SLFN5: variants seen among roughly 807,000 people sequenced by gnomAD.
The protein encoded by SLFN5 is schlafen family member 5.
A neutral mutation model predicts 48.5 loss-of-function variants in SLFN5; 34 were observed. The ratio of observed to expected loss-of-function variants is 0.70; its 90% confidence interval spans 0.53 to 0.93. The LOEUF is 0.93. SLFN5 is among the 40% of genes least tolerant of loss of function. The pLI, the probability that SLFN5 is intolerant of heterozygous loss-of-function variation, is 0.00. For synonymous variants in SLFN5, 387 were observed against 396.2 expected (o/e 0.98, Z 0.28); for missense variants, 1,006 against 1,071.3 (o/e 0.94, Z 0.85).
In SLFN5 at chr17:35,264,712, G is replaced by T; in HGVS notation, c.1668G>T (p.Leu556=). 6.2e-7 allele frequency: 1 copy of T among 1,608,030 alleles called. No homozygotes were observed. Among genetic ancestry groups the T allele is most frequent in the South Asian group, 1.1e-5 (1 of 90,208 alleles). The change falls in exon 4 of 5, where the codon CTG becomes CTT. Residue 556 remains leucine, a synonymous_variant. Transcript: ENST00000299977. ...TGGGCTCTGAGGTTTTGAACCTACTGACAAATAAACAGTATGAGTTGCTTT... is the reference window on the plus strand; with the variant it reads ...TGGGCTCTGAGGTTTTGAACCTACTTACAAATAAACAGTATGAGTTGCTTT... ...EELGSEVLNL[L]TNKQYELLSK...
Position 35,258,608 on chromosome 17 carries a change from T to C in SLFN5, c.-40-43T>C, listed in dbSNP as rs1217358705. 2.0e-6 allele frequency: 3 copies of C among 1,504,012 alleles called. No individual in the cohort carries two copies. The East Asian group carries it at 6.8e-5, about 34-fold the overall frequency. 93.2% of individuals were successfully genotyped at this position (1,504,012 alleles called of 1,614,324 possible). A position where few individuals can be genotyped will look rare whatever the true frequency, so the allele number is the denominator to read the frequency against. On this transcript the variant is annotated intron_variant, in intron 1 of 4. Coordinates refer to ENST00000299977, the MANE Select transcript of SLFN5 (RefSeq NM_144975.4). Reference sequence around the variant, plus strand: ...AATCTGTTGGTTTTCCTGCCTCTCCTATTCTTGTCCTGTTCTAATGGTTCT... The same window carrying C: ...AATCTGTTGGTTTTCCTGCCTCTCCCATTCTTGTCCTGTTCTAATGGTTCT...
intron 1 of SLFN5, among the ~76,000 whole-genome samples, chr17:35,255,302 C>T (rs1159902529): frequency 6.6e-6 from 1 of 152,190 alleles, no homozygotes; most frequent in African/African-American, 2.4e-5. Context: ...TATAAGTGTT[C>T]TTTTTCTTTA....
At chr17:35,256,999 C>T (rs1471241299) in intron 1 of SLFN5, among the ~76,000 whole-genome samples, 2 of 152,088 alleles carry the variant, frequency 1.3e-5, no homozygotes, top group East Asian at 3.8e-4. Flanking sequence ...GTGAACTGTG[C>T]ATGTGAGGGA....
chr17:35,250,674 G>T (rs955774644), intron 1 of SLFN5, among the ~76,000 whole-genome samples: 1 of 127,096 alleles, frequency 7.9e-6, no homozygotes, highest in East Asian at 2.3e-4. Context: ...AAAAAAAAAA[G>T]AGTTAAAAGA....
chr17:35,264,098 G>A (rs1904601258), intron 3 of SLFN5, 85 bp from the exon 4 acceptor site: 18 of 1,456,170 alleles, frequency 1.2e-5, no homozygotes, highest in Middle Eastern at 1.9e-4. Context: ...TAGAGTCCCA[G>A]TGTTGATTAA....
Position 35,259,606 on chromosome 17 carries a change from T to C in SLFN5, c.916T>C (p.Phe306Leu). The change falls in exon 2 of 5, where the codon TTT (phenylalanine) becomes CTT (leucine). Residue 306 changes from phenylalanine (F) to leucine (L), a missense_variant. Phe to Leu is a conservative substitution (Grantham distance 22, BLOSUM62 0). Coordinates refer to ENST00000299977, the MANE Select transcript of SLFN5 (RefSeq NM_144975.4). ...IKVEKFCCAV[F>L]AKVPSSWQVK... ...GGTGGAGAAATTCTGCTGTGCGGTG[T>C]TTGCCAAAGTGCCTAGTTCCTGGCA... The C allele has an allele frequency of 6.2e-7, 1 of 1,610,060 alleles. No individual in the cohort carries two copies.
Position 35,272,937 on chromosome 17 carries a change from T to C in SLFN5, c.*7049T>C, listed in dbSNP as rs1438656818. The C allele has an allele frequency of 2.6e-5, 4 of 151,108 alleles. No individual in the cohort carries two copies. In the Admixed American group the frequency reaches 2.6e-4, roughly 10 times the overall value. The allele number at this position is 151,108 out of a possible 1,614,324, so 9.4% of individuals were successfully genotyped here. Reference sequence around the variant, plus strand: ...AAAATTGTGAATGCATATATCTCTTTCTCTAGAAATTTCTCTTTTGGGAAT... The same window carrying C: ...AAAATTGTGAATGCATATATCTCTTCCTCTAGAAATTTCTCTTTTGGGAAT... On this transcript the variant is annotated 3_prime_UTR_variant, in exon 5 of 5. Transcript: ENST00000299977.
intron 1 of SLFN5, among the ~76,000 whole-genome samples, chr17:35,251,596 G>A (rs2092442581): frequency 6.6e-6 from 1 of 151,018 alleles, no homozygotes; most frequent in Admixed American, 6.6e-5. Context: ...TAGTAGAGAC[G>A]GGGTTTCACC....
intron 1 of SLFN5, among the ~76,000 whole-genome samples, chr17:35,251,132 C>T (rs940765146): frequency 1.1e-4 from 16 of 152,332 alleles, no homozygotes; most frequent in African/African-American, 3.8e-4. Flanking sequence ...CTTCCCAAAG[C>T]ACCCCAACTG....
rs780800392 is a variant in SLFN5, at chr17:35,246,545, T to A, written c.-41+3402T>A. ...GGAGAAGTTCTTAAAGTCCAATATA[T>A]CATTTAAAAAAATTTATTGTGCATC... On this transcript the variant is annotated intron_variant, in intron 1 of 4. Coordinates refer to ENST00000299977, the MANE Select transcript of SLFN5 (RefSeq NM_144975.4). Among the ~76,000 whole-genome samples, 4 of 152,162 alleles carry A rather than the reference T, an allele frequency of 2.6e-5. No homozygotes were observed. The East Asian group carries it at 7.7e-4, about 29-fold the overall frequency.
At chr17:35,258,520 G>C (rs1349199116) in intron 1 of SLFN5, 131 bp from the exon 2 acceptor site, 1 of 674,040 alleles carries the variant, frequency 1.5e-6, no homozygotes, top group Non-Finnish European at 2.4e-6. Context: ...TGAGATTTGG[G>C]TGGGGACACA....
chr17:35,260,945 T>G (rs1280792097), intron 2 of SLFN5, 26 bp from the exon 3 acceptor site: 1 of 1,611,588 alleles, frequency 6.2e-7, no homozygotes, highest in Non-Finnish European at 8.5e-7. Context: ...TTTTGCATAT[T>G]GAATCCTTGG....
Position 35,265,290 on chromosome 17 carries a change from GC to G in SLFN5, c.2079del (p.Cys693Ter). On this transcript the variant is annotated frameshift_variant, in exon 5 of 5. Transcript: ENST00000299977. LOFTEE classifies it low-confidence loss of function (END_TRUNC). Reference protein sequence around the residue: ...LDYFQTYHLSCSGLPPPSDQY... With the variant: ...LDYFQTYHLSXSGLPPPSDQY... ...TACTTTCAGACCTATCACTTGAGTTGCAGTGGCCTCCCCCCTCCCTCAGACC... is the reference window on the plus strand; with the variant it reads ...TACTTTCAGACCTATCACTTGAGTTGAGTGGCCTCCCCCCTCCCTCAGACC... 6.2e-7 allele frequency: 1 copy of G among 1,614,090 alleles called. No individual in the cohort carries two copies. The highest frequency in any genetic ancestry group is 8.5e-7 in the Non-Finnish European group (1 of 1,180,018).
intron 1 of SLFN5, among the ~76,000 whole-genome samples, chr17:35,250,215 G>A (rs1050538346): frequency 6.6e-6 from 1 of 152,174 alleles, no homozygotes; most frequent in Non-Finnish European, 1.5e-5. Context: ...CTTTACTGTA[G>A]TAGAAATTTT....
intron 1 of SLFN5, among the ~76,000 whole-genome samples, chr17:35,243,945 G>C (rs550099740): frequency 6.6e-6 from 1 of 152,296 alleles, no homozygotes; most frequent in African/African-American, 2.4e-5. Context: ...GTAGTGGGGA[G>C]TTTTTATGAG....
intron 1 of SLFN5, among the ~76,000 whole-genome samples, chr17:35,243,405 C>G (rs1281877944): frequency 1.3e-5 from 2 of 152,150 alleles, no homozygotes; most frequent in Non-Finnish European, 2.9e-5. Context: ...GGAGAGGCGC[C>G]GACCCAGCGC....
At chr17:35,249,979 A>G (rs2092438641) in intron 1 of SLFN5, among the ~76,000 whole-genome samples, 2 of 152,226 alleles carry the variant, frequency 1.3e-5, no homozygotes, top group African/African-American at 2.4e-5. Flanking sequence ...CCCAATATCC[A>G]TAGAAGTCAG....
rs1305608958 is a variant in SLFN5, at chr17:35,258,987, G to C, written c.297G>C (p.Val99=). The stretch of plus-strand genomic sequence containing the variant: ...AGGAAAACCACTTTTTGATTTTTGT[G>C]AAATCATGGAACACAGAGGCTGGTG... ...MQKENHFLIF[V]KSWNTEAGVP... is the part of the protein sequence containing the mutation. Residue 99 remains valine (V), a synonymous_variant, in exon 2 of 5, where the codon GTG becomes GTC. Transcript: ENST00000299977. The C allele has an allele frequency of 6.2e-7, 1 of 1,614,064 alleles. No individual in the cohort carries two copies. The highest frequency in any genetic ancestry group is 8.5e-7 in the Non-Finnish European group (1 of 1,180,006).
rs375265511 is a variant in SLFN5 at position 35,258,618 on chromosome 17, C to T, written c.-40-33C>T. 2,610 of 1,527,796 alleles carry T rather than the reference C, an allele frequency of 1.7e-3. 58 individuals are homozygous for T. In the South Asian group the frequency reaches 0.031, roughly 18 times the overall value. The allele number at this position is 1,527,796 out of a possible 1,614,324, so 94.6% of individuals were successfully genotyped here. ...TTTTCCTGCCTCTCCTATTCTTGTCCTGTTCTAATGGTTCTATCTTTCTGT... is the reference window on the plus strand; with the variant it reads ...TTTTCCTGCCTCTCCTATTCTTGTCTTGTTCTAATGGTTCTATCTTTCTGT... On this transcript the variant is annotated intron_variant, in intron 1 of 4. Coordinates refer to ENST00000299977, the MANE Select transcript of SLFN5 (RefSeq NM_144975.4).
Sources: gnomAD v4.1 joint callset for allele counts (sites outside exome capture counted in the v4.1 genomes callset) on GRCh38, gnomAD v4.1.1 for gene constraint, MANE v1.5 for transcripts, NCBI Gene and HGNC (gene_info 2026-07-23, HGNC 2026-07-21) for gene names.